Variants in MYSM1 observed in about 807,000 individuals in gnomAD.
MYSM1 encodes deubiquitinase MYSM1.
Under a neutral mutation model 116.0 loss-of-function variants are expected in MYSM1, and 51 were observed. That is an observed-to-expected ratio of 0.44 (90% confidence interval 0.35 to 0.56). MYSM1 has a LOEUF of 0.56. MYSM1 is among the 20% of genes least tolerant of loss of function. MYSM1 has a pLI of 0.00. For missense variants in MYSM1, 900 were observed against 974.9 expected, an observed-to-expected ratio of 0.92 and a Z score of 1.02; for synonymous variants, 313 against 315.2, an observed-to-expected ratio of 0.99 and a Z score of 0.07.
chr1:58,686,732 T>G (rs970663426), intron 6 of MYSM1, among the ~76,000 whole-genome samples: 1 of 151,918 alleles, frequency 6.6e-6, no homozygotes, highest in Non-Finnish European at 1.5e-5. Flanking sequence ...ATAACATTGG[T>G]AGGTAGCATG....
intron 2 of MYSM1, 86 bp downstream of exon 2, chr1:58,695,043 C>T (rs897520032): frequency 1.5e-5 from 10 of 645,874 alleles, no homozygotes; most frequent in Non-Finnish European, 2.5e-5. Context: ...TGAGAACTAG[C>T]ACTAAGTTTA....
At chr1:58,691,807 C>T (rs1477088983) in intron 3 of MYSM1, among the ~76,000 whole-genome samples, 1 of 152,036 alleles carries the variant, frequency 6.6e-6, no homozygotes, top group East Asian at 1.9e-4. Context: ...GCAGAGGTTG[C>T]AGTGAGCCAA....
At position 58,659,007 on chromosome 1, in the gene MYSM1, C is replaced by T. The variant is rs1202996532; in HGVS notation, c.*990G>A. ...CACACACACACACAAAGAAGAATGT[C>T]TCATAGACATCATATGTGGCCTGAA... On this transcript the variant is annotated 3_prime_UTR_variant, in exon 20 of 20. Transcript: ENST00000472487. 2 of 72,346 alleles carry T rather than the reference C, an allele frequency of 2.8e-5. No individual in the cohort carries two copies. Among genetic ancestry groups the T allele is most frequent in the Admixed American group, 3.2e-4 (2 of 6,322 alleles). 4.5% of individuals were successfully genotyped at this position (72,346 alleles called of 1,614,324 possible).
At position 58,681,861 on chromosome 1, in the gene MYSM1, G is replaced by A. The variant is rs753619199; in HGVS notation, c.1183C>T (p.Pro395Ser). ...GCTTGGCGCCCCTCAAAAAACTCAG[G>A]AATTGCTTGTTTTTCTTCTTCTTGA... ...IIQEEEKQAI[P>S]EFFEGRQAKT... The change falls in exon 8 of 20, where the codon CCT becomes TCT. Residue 395 changes from proline to serine, a missense_variant. Coordinates refer to ENST00000472487, the MANE Select transcript of MYSM1 (RefSeq NM_001085487.3). 3 of 1,613,112 alleles carry A rather than the reference G, an allele frequency of 1.9e-6. No individual in the cohort carries two copies. The highest frequency in any genetic ancestry group is 1.7e-4 in the Middle Eastern group (1 of 6,060).
At chr1:58,685,738 T>C (rs1405334541) in intron 6 of MYSM1, among the ~76,000 whole-genome samples, 3 of 152,184 alleles carry the variant, frequency 2.0e-5, no homozygotes, top group African/African-American at 4.8e-5. Context: ...GATATCACAG[T>C]GAACTGACCT....
intron 14 of MYSM1, 100 bp from the exon 15 acceptor site, chr1:58,668,021 A>G: frequency 1.2e-6 from 1 of 836,904 alleles, no homozygotes; most frequent in Non-Finnish European, 2.1e-6. Flanking sequence ...AAGTATAGCC[A>G]TCATGCTTTT....
rs1644360782 is a variant in MYSM1, at chr1:58,659,357, G to GA, written c.*639dup. The GA allele has an allele frequency of 6.6e-6, 1 of 152,130 alleles. No individual in the cohort carries two copies. Among genetic ancestry groups the GA allele is most frequent in the Admixed American group, 6.6e-5 (1 of 15,250 alleles). The allele number at this position is 152,130 out of a possible 1,614,324, so 9.4% of individuals were successfully genotyped here. A position where few individuals can be genotyped will look rare whatever the true frequency, so the allele number is the denominator to read the frequency against. On this transcript the variant is annotated 3_prime_UTR_variant, in exon 20 of 20. Transcript: ENST00000472487. ...TGGTTAAAAATTTTCAGATAGCTGA[G>GA]AAAATGGCATATCTTATGATACTAC... is the stretch of plus-strand genomic sequence containing the variant.
intron 2 of MYSM1, 54 bp from the exon 3 acceptor site, chr1:58,692,985 CTTCTG>C (rs764403498): frequency 3.0e-5 from 43 of 1,415,100 alleles, no homozygotes; most frequent in Admixed American, 1.3e-4. Flanking sequence ...TTGAAATTAT[CTTCTG>C]TTTTGGTAAA....
intron 7 of MYSM1, among the ~76,000 whole-genome samples, chr1:58,683,058 A>G (rs961493468): frequency 6.6e-6 from 1 of 152,224 alleles, no homozygotes; most frequent in Non-Finnish European, 1.5e-5. Flanking sequence ...CATAGACTAC[A>G]ACTGCATTTC....
At chr1:58,686,236 G>A (rs773921266) in intron 6 of MYSM1, among the ~76,000 whole-genome samples, 2 of 152,002 alleles carry the variant, frequency 1.3e-5, no homozygotes, top group Non-Finnish European at 2.9e-5. Context: ...ATGACAACTT[G>A]AGGGAGCTCC....
intron 11 of MYSM1, 28 bp from the exon 12 acceptor site, chr1:58,671,986 A>T (rs749682301): frequency 2.6e-6 from 4 of 1,566,060 alleles, no homozygotes; most frequent in Middle Eastern, 1.7e-4. Flanking sequence ...TTGATTAAGG[A>T]GTCCATCATC....
intron 19 of MYSM1, among the ~76,000 whole-genome samples, 199 bp downstream of exon 19, chr1:58,660,971 A>C (rs1399048687): frequency 6.6e-6 from 1 of 152,098 alleles, no homozygotes; most frequent in African/African-American, 2.4e-5. Context: ...TCTAAAATAG[A>C]ATTTTTTCTA....
intron 16 of MYSM1, among the ~76,000 whole-genome samples, chr1:58,666,679 C>A (rs568979777): frequency 6.7e-6 from 1 of 149,196 alleles, no homozygotes; most frequent in Non-Finnish European, 1.5e-5. Flanking sequence ...TTGAGACCAG[C>A]CTGGCTAACA....
At chr1:58,665,907 A>T (rs1644461880) in intron 16 of MYSM1, among the ~76,000 whole-genome samples, 1 of 152,160 alleles carries the variant, frequency 6.6e-6, no homozygotes, top group South Asian at 2.1e-4. Flanking sequence ...AAATAAAAAA[A>T]TTAGCCAGGT....
intron 17 of MYSM1, among the ~76,000 whole-genome samples, chr1:58,663,452 G>A (rs1569701396): frequency 6.6e-6 from 1 of 152,156 alleles, no homozygotes; most frequent in African/African-American, 2.4e-5. Flanking sequence ...GATATGACCT[G>A]AGTTAAAAGT....
intron 7 of MYSM1, among the ~76,000 whole-genome samples, chr1:58,683,229 CCAA>C (rs1343379462): frequency 6.6e-6 from 1 of 152,126 alleles, no homozygotes; most frequent in Non-Finnish European, 1.5e-5. Flanking sequence ...ATGGAATAAA[CCAA>C]CAACTATCAT....
chr1:58,668,380 T>C (rs1458110208), intron 14 of MYSM1: 3 of 1,164,004 alleles, frequency 2.6e-6, no homozygotes, highest in East Asian at 4.1e-5. Flanking sequence ...ACACATATAT[T>C]AGAAACTTAA....
At chr1:58,662,111 A>C (rs1335582059) in intron 17 of MYSM1, among the ~76,000 whole-genome samples, 1 of 152,058 alleles carries the variant, frequency 6.6e-6, no homozygotes, top group African/African-American at 2.4e-5. Context: ...CCTCCCTAGA[A>C]GAGCTAATCT....
chr1:58,660,617 C>G (rs12062727), intron 19 of MYSM1, among the ~76,000 whole-genome samples: 54,593 of 151,792 alleles, frequency 0.36, 10,107 homozygotes, highest in Non-Finnish European at 0.41. Flanking sequence ...CTGGATATAA[C>G]AGAAAGGAGT....
Sources: allele counts gnomAD v4.1 joint callset (sites outside exome capture counted in the v4.1 genomes callset), GRCh38; gene constraint gnomAD v4.1.1; transcripts MANE v1.5; gene names NCBI Gene and HGNC (gene_info 2026-07-23, HGNC 2026-07-21).